Variants in AP4E1 observed in about 807,000 individuals in gnomAD.
AP4E1 encodes adaptor related protein complex 4 subunit epsilon 1.
Under a neutral mutation model 128.2 loss-of-function variants are expected in AP4E1, and 56 were observed. The ratio of observed to expected loss-of-function variants is 0.44; its 90% CI spans 0.35 to 0.55. The LOEUF (loss-of-function observed/expected upper bound fraction) is 0.55, where lower values mean the gene tolerates loss of function less well. AP4E1 is among the 20% of genes least tolerant of loss of function. The pLI is 0.00. For synonymous variants in AP4E1, 484 were observed against 473.1 expected (o/e 1.02, Z -0.30); for missense variants, 1,324 against 1,307.7 (o/e 1.01, Z -0.19).
At chr15:50,969,391 C>A (rs1012968719) in intron 15 of AP4E1, among the ~76,000 whole-genome samples, 1 of 152,104 alleles carries the variant, frequency 6.6e-6, no homozygotes, top group Non-Finnish European at 1.5e-5. Context: ...TCATGTTGTT[C>A]ACTGTGCTGG....
At chr15:50,948,339 CTTT>C (rs66467957) in intron 11 of AP4E1, among the ~76,000 whole-genome samples, 180 bp downstream of exon 11, 4,045 of 122,042 alleles carry the variant, frequency 0.033, 66 homozygotes, top group Non-Finnish European at 0.043. Context: ...TAGGAGATGG[CTTT>C]TTTTTTTTTT....
intron 15 of AP4E1, among the ~76,000 whole-genome samples, 154 bp downstream of exon 15, chr15:50,968,531 T>C (rs2064427937): frequency 6.6e-6 from 1 of 151,954 alleles, no homozygotes; most frequent in Non-Finnish European, 1.5e-5. Context: ...TTTTCAGATA[T>C]CCAGAGGAAA....
intron 8 of AP4E1, among the ~76,000 whole-genome samples, chr15:50,937,773 T>C (rs1442613055): frequency 6.6e-6 from 1 of 152,066 alleles, no homozygotes; most frequent in African/African-American, 2.4e-5. Flanking sequence ...CATGGGGCTA[T>C]TTAAAAACAG....
At chr15:50,972,214 CTTTCTTT>C (rs1455886392) in intron 15 of AP4E1, among the ~76,000 whole-genome samples, 1 of 151,792 alleles carries the variant, frequency 6.6e-6, no homozygotes, top group Non-Finnish European at 1.5e-5. Flanking sequence ...TTCTTTCTTT[CTTTCTTT>C]TTTCTTTTGA....
At chr15:50,920,096 G>A (rs932549898) in intron 3 of AP4E1, among the ~76,000 whole-genome samples, 107 of 124,680 alleles carry the variant, frequency 8.6e-4, no homozygotes, top group Middle Eastern at 4.5e-3. Flanking sequence ...AAAAAAAAAA[G>A]ATAAAATTTA....
intron 10 of AP4E1, chr15:50,945,328 C>G: frequency 1.3e-6 from 1 of 780,708 alleles, no homozygotes; most frequent in South Asian, 1.3e-5. Flanking sequence ...GAATATAGTA[C>G]TGTACAACAT....
rs558993199 is a variant in AP4E1, at chr15:50,920,409, G to A, written c.347-3522G>A. ...ATTACAGGCGTAAGCCACCGTGCCC[G>A]GCCTTCTTTTTTTTTTTTTGAGACA... On this transcript the variant is annotated intron_variant, in intron 3 of 20. Coordinates refer to ENST00000261842, the MANE Select transcript of AP4E1 (RefSeq NM_007347.5). Among the ~76,000 whole-genome samples the A allele has an allele frequency of 1.4e-4, 21 of 146,608 alleles. No individual in the cohort carries two copies. The East Asian group carries it at 2.4e-3, about 17-fold the overall frequency.
intron 8 of AP4E1, 125 bp downstream of exon 8, chr15:50,934,822 G>A: frequency 3.2e-6 from 2 of 616,360 alleles, no homozygotes; most frequent in East Asian, 3.0e-5. Flanking sequence ...ATAGTTCTTT[G>A]GATTATTATT....
intron 12 of AP4E1, 56 bp from the exon 13 acceptor site, chr15:50,949,995 A>G (rs1357204779): frequency 6.3e-7 from 1 of 1,588,178 alleles, no homozygotes; most frequent in Non-Finnish European, 8.6e-7. Context: ...TGTTTTTATT[A>G]CAGAGTCCTA....
rs147267734 is a variant in AP4E1, at chr15:50,919,578, G to A, written c.346+4007G>A. Among the ~76,000 whole-genome samples the A allele has an allele frequency of 2.7e-3, 386 of 141,904 alleles. 3 individuals are homozygous for A. Among genetic ancestry groups the A allele is most frequent in the African/African-American group, 9.5e-3 (348 of 36,656 alleles). 93.1% of individuals were successfully genotyped at this position (141,904 alleles called of 152,430 possible). A position where few individuals can be genotyped will look rare whatever the true frequency, so the allele number is the denominator to read the frequency against. ...AATAAATAAATAAATAAATAAATAA[G>A]TAAATAAATTATGCTGTAATTAATA... On this transcript the variant is annotated intron_variant, in intron 3 of 20. Transcript: ENST00000261842.
intron 10 of AP4E1, chr15:50,945,482 C>A: frequency 1.3e-6 from 1 of 763,232 alleles, no homozygotes; most frequent in Non-Finnish European, 2.4e-6. Flanking sequence ...CTGGACACTC[C>A]TGTAATGTTC....
intron 7 of AP4E1, among the ~76,000 whole-genome samples, chr15:50,934,209 T>C (rs746653569): frequency 1.3e-5 from 2 of 152,114 alleles, no homozygotes; most frequent in Non-Finnish European, 2.9e-5. Flanking sequence ...GAAAGACTAG[T>C]ATTTGAAAAC....
At position 50,948,043 on chromosome 15, in the gene AP4E1, T is replaced by G; in HGVS notation, c.1200T>G (p.Ile400Met). The change falls in exon 11 of 21, where the codon ATT becomes ATG. Residue 400 changes from isoleucine to methionine, a missense_variant. Physicochemically the swap from Ile to Met is conservative, Grantham distance 10. Transcript: ENST00000261842. ...KRETLELLYR[I>M]TNAQNITVIV... ...AGACTCTGGAACTTCTTTACAGAAT[T>G]ACTAATGCACAGAATATAACAGTTA... is the stretch of plus-strand genomic sequence containing the variant. 1 of 1,607,324 alleles carries G rather than the reference T, an allele frequency of 6.2e-7. No homozygotes were observed. Among genetic ancestry groups the G allele is most frequent in the Non-Finnish European group, 8.5e-7 (1 of 1,174,194 alleles).
At chr15:50,997,925 T>G (rs2140935401) in intron 18 of AP4E1, 42 bp downstream of exon 18, 1 of 1,483,796 alleles carries the variant, frequency 6.7e-7, no homozygotes, top group Admixed American at 1.9e-5. Flanking sequence ...CAGTGTATAT[T>G]TTGTGTTCTC....
Position 51,002,905 on chromosome 15 carries a change from A to T in AP4E1, c.*243A>T. On this transcript the variant is annotated 3_prime_UTR_variant, in exon 21 of 21. Transcript: ENST00000261842. ...AAAGTGACCTAAGCTAATGTTATAA[A>T]CTGCTAATGATTTATATATCACTTA... The T allele has an allele frequency of 2.1e-6, 1 of 476,100 alleles. No homozygotes were observed. The highest frequency in any genetic ancestry group is 3.4e-5 in the Admixed American group (1 of 29,654). The allele number at this position is 476,100 out of a possible 1,614,324, so 29.5% of individuals were successfully genotyped here.
At chr15:50,950,716 T>A (rs2064137031) in intron 13 of AP4E1, among the ~76,000 whole-genome samples, 1 of 152,184 alleles carries the variant, frequency 6.6e-6, no homozygotes, top group African/African-American at 2.4e-5. Context: ...TATTAACACA[T>A]CACCTAGGTA....
At chr15:50,915,808 G>T in intron 3 of AP4E1, 1 of 499,924 alleles carries the variant, frequency 2.0e-6, no homozygotes, top group Non-Finnish European at 3.6e-6. Flanking sequence ...TTGTGATGGC[G>T]GTTAGATGAC....
At chr15:50,943,045 C>T (rs1312842392) in intron 10 of AP4E1, among the ~76,000 whole-genome samples, 1 of 152,030 alleles carries the variant, frequency 6.6e-6, no homozygotes, top group African/African-American at 2.4e-5. Flanking sequence ...CTTTCCCCTC[C>T]TGCCCTCCCT....
At chr15:50,968,681 G>A (rs937861735) in intron 15 of AP4E1, among the ~76,000 whole-genome samples, 2 of 152,174 alleles carry the variant, frequency 1.3e-5, no homozygotes, top group African/African-American at 4.8e-5. Flanking sequence ...AGGCTGCTGT[G>A]CAGTGGCACG....
Sources: gnomAD v4.1 joint callset for allele counts (sites outside exome capture counted in the v4.1 genomes callset) on GRCh38, gnomAD v4.1.1 for gene constraint, MANE v1.5 for transcripts, NCBI Gene and HGNC (gene_info 2026-07-23, HGNC 2026-07-21) for gene names.